CRYBG3: variants seen among roughly 807,000 people sequenced by gnomAD.
CRYBG3 encodes crystallin beta-gamma domain containing 3, also known as very large A-kinase anchor protein.
In CRYBG3, 127 loss-of-function variants were observed where a neutral mutation model predicts 244.2. The ratio of observed to expected loss-of-function variants is 0.52; its 90% CI spans 0.45 to 0.60. The LOEUF (loss-of-function observed/expected upper bound fraction) is 0.60, where lower values mean the gene tolerates loss of function less well. Ranked by LOEUF, CRYBG3 falls within the 20% of genes least tolerant of loss-of-function variation. The pLI is 0.00. For synonymous variants in CRYBG3, 1,132 were observed against 1,195.8 expected, an observed-to-expected ratio of 0.95 and a Z score of 1.10; for missense variants, 3,325 against 3,442.5, an observed-to-expected ratio of 0.97 and a Z score of 0.85.
intron 15 of CRYBG3, among the ~76,000 whole-genome samples, chr3:97,911,282 A>C (rs1022023739): frequency 6.6e-6 from 1 of 152,180 alleles, no homozygotes; most frequent in African/African-American, 2.4e-5. Context: ...CAGGCCTGTC[A>C]GTGCAGGGTG....
At chr3:97,846,489 TC>T (rs1362518131) in intron 2 of CRYBG3, among the ~76,000 whole-genome samples, 1 of 152,232 alleles carries the variant, frequency 6.6e-6, no homozygotes, top group African/African-American at 2.4e-5. Flanking sequence ...GTTCCTTTGA[TC>T]TCAAATTCAG....
intron 17 of CRYBG3, among the ~76,000 whole-genome samples, chr3:97,925,512 A>G (rs1215733471): frequency 6.6e-6 from 1 of 152,132 alleles, no homozygotes; most frequent in Non-Finnish European, 1.5e-5. Context: ...AGTAGTTACA[A>G]TGAATTGGAC....
chr3:97,942,857 AATATTATTC>A (rs1435089716), intron 21 of CRYBG3: 2 of 233,958 alleles, frequency 8.5e-6, no homozygotes, highest in Non-Finnish European at 1.6e-5. Flanking sequence ...GGTCAGGGCC[AATATTATTC>A]ATGGCTGTTG....
Position 97,873,535 on chromosome 3 carries a change from A to T in CRYBG3, c.2341A>T (p.Asn781Tyr). 6.5e-7 allele frequency: 1 copy of T among 1,535,972 alleles called. No homozygotes were observed. Residue 781 changes from asparagine (N) to tyrosine (Y), a missense_variant, in exon 4 of 22, where the codon AAT becomes TAT. Physicochemically the swap from Asn to Tyr is moderately radical, Grantham distance 143. Transcript: ENST00000389622. The stretch of plus-strand genomic sequence containing the variant: ...CAGTTCCATTTTATCTCAAGACCCT[A>T]ATAGAGTAGAGTTAGTGTCTTCAAA... The part of the protein sequence containing the change: ...DCSSILSQDP[N>Y]RVELVSSNTK...
intron 3 of CRYBG3, chr3:97,867,227 G>T (rs933897188): frequency 6.7e-6 from 1 of 148,804 alleles, no homozygotes; most frequent in African/African-American, 2.4e-5. Flanking sequence ...ATTTTTTTTT[G>T]AAAAAATTAT....
chr3:97,872,476 G>T lies in CRYBG3; in HGVS notation c.1282G>T (p.Glu428Ter). The stretch of plus-strand genomic sequence containing the variant: ...ATTGGTGCAAAGAGAGGAGCTTGTT[G>T]AGCCTCAGGGCCCTGCTATTTCTGA... ...RTLVQREELV[E>*]PQGPAISDFS... The change falls in exon 4 of 22, where the codon GAG becomes TAG. Residue 428 changes from glutamate to a stop codon, truncating the protein, a stop_gained. Transcript: ENST00000389622. LOFTEE classifies it high-confidence loss of function. 1 of 1,536,020 alleles carries T rather than the reference G, an allele frequency of 6.5e-7. No individual in the cohort carries two copies. Among genetic ancestry groups the T allele is most frequent in the Non-Finnish European group, 8.7e-7 (1 of 1,146,838 alleles).
At chr3:97,921,665 T>C (rs2039986292) in intron 17 of CRYBG3, among the ~76,000 whole-genome samples, 1 of 152,162 alleles carries the variant, frequency 6.6e-6, no homozygotes, top group Admixed American at 6.6e-5. Context: ...TAGCTATTGA[T>C]GAAATGCTTT....
At chr3:97,922,890 T>C (rs2039997895) in intron 17 of CRYBG3, among the ~76,000 whole-genome samples, 1 of 151,782 alleles carries the variant, frequency 6.6e-6, no homozygotes, top group South Asian at 2.1e-4. Context: ...CATGCACACA[T>C]ATGTTTATTG....
chr3:97,855,292 G>A (rs544066167), intron 2 of CRYBG3, among the ~76,000 whole-genome samples: 1 of 152,142 alleles, frequency 6.6e-6, no homozygotes, highest in African/African-American at 2.4e-5. Context: ...ATGGCCTGTA[G>A]TTTTCTTTTG....
At chr3:97,822,763 C>A (rs180698045) in intron 1 of CRYBG3, among the ~76,000 whole-genome samples, 2 of 152,338 alleles carry the variant, frequency 1.3e-5, no homozygotes, top group Non-Finnish European at 2.9e-5. Flanking sequence ...CCGAGCGGAG[C>A]CGTCGGCCAG....
rs539655714 is a variant in CRYBG3 at position 97,875,522 on chromosome 3, A to G, written c.4328A>G (p.His1443Arg). Residue 1443 changes from histidine to arginine, a missense_variant, in exon 4 of 22, where the codon CAT becomes CGT. Around this residue, in one of 4 missense-constraint regions of CRYBG3, gnomAD observed 635 missense variants for 771.7 expected, o/e 0.82. Coordinates refer to ENST00000389622, the MANE Select transcript of CRYBG3 (RefSeq NM_153605.4). ...HKRLDDRVKT[H>R]LFRSEDCNET... is the part of the protein sequence containing the mutation. The stretch of plus-strand genomic sequence containing the variant: ...CGGTTAGATGATAGGGTAAAAACAC[A>G]TTTATTTCGCAGTGAGGACTGTAAT... 14 of 1,266,994 alleles carry G rather than the reference A, an allele frequency of 1.1e-5. 1 individual carries two copies. The South Asian group carries it at 3.8e-4, about 35-fold the overall frequency. The allele number at this position is 1,266,994 out of a possible 1,614,324, so 78.5% of individuals were successfully genotyped here.
At chr3:97,897,388 G>A (rs7625668) in intron 12 of CRYBG3, among the ~76,000 whole-genome samples, 1 of 151,940 alleles carries the variant, frequency 6.6e-6, no homozygotes, top group Admixed American at 6.6e-5. Context: ...TTAGTAGTAG[G>A]GAGTACTGTA....
At chr3:97,928,299 C>G (rs996820298) in intron 17 of CRYBG3, among the ~76,000 whole-genome samples, 1 of 151,948 alleles carries the variant, frequency 6.6e-6, no homozygotes, top group African/African-American at 2.4e-5. Flanking sequence ...CTTATTAACA[C>G]AAGAACAGAA....
Position 97,939,560 on chromosome 3 carries a change from T to C in CRYBG3, c.8506-1588T>C, listed in dbSNP as rs544986268. ...GAGCAGTCAGACTACAAATGTGTAATAAGGGTAATTAGTACCTTGCCTGAG... is the reference window on the plus strand; with the variant it reads ...GAGCAGTCAGACTACAAATGTGTAACAAGGGTAATTAGTACCTTGCCTGAG... On this transcript the variant is annotated intron_variant, in intron 19 of 21. Transcript: ENST00000389622. Among the ~76,000 whole-genome samples, 4 of 152,206 alleles carry C rather than the reference T, an allele frequency of 2.6e-5. No homozygotes were observed. In the East Asian group the frequency reaches 7.7e-4, roughly 29 times the overall value.
intron 7 of CRYBG3, among the ~76,000 whole-genome samples, chr3:97,885,570 G>A (rs978416052): frequency 1.3e-5 from 2 of 152,094 alleles, no homozygotes; most frequent in Non-Finnish European, 2.9e-5. Context: ...CCCTAAGAAG[G>A]GATAAGGTCT....
intron 2 of CRYBG3, among the ~76,000 whole-genome samples, chr3:97,848,224 G>C (rs896547113): frequency 4.6e-5 from 7 of 152,146 alleles, no homozygotes; most frequent in Non-Finnish European, 7.3e-5. Flanking sequence ...TGTTGTCTTG[G>C]TTAGAGGGAA....
chr3:97,891,052 AG>A (rs2039569979), intron 10 of CRYBG3, among the ~76,000 whole-genome samples: 1 of 152,172 alleles, frequency 6.6e-6, no homozygotes, highest in African/African-American at 2.4e-5. Context: ...TTTAAATTCT[AG>A]AATTTGCATG....
intron 2 of CRYBG3, among the ~76,000 whole-genome samples, chr3:97,860,837 T>C (rs1450408631): frequency 6.6e-6 from 1 of 152,098 alleles, no homozygotes; most frequent in Non-Finnish European, 1.5e-5. Flanking sequence ...TAGGGATCTT[T>C]TGTTGTTTCC....
Position 97,864,631 on chromosome 3 carries a change from A to G in CRYBG3, c.631A>G (p.Thr211Ala), listed in dbSNP as rs1434355187. 1 of 1,510,420 alleles carries G rather than the reference A, an allele frequency of 6.6e-7. No individual in the cohort carries two copies. Among genetic ancestry groups the G allele is most frequent in the South Asian group, 1.3e-5 (1 of 79,138 alleles). 93.6% of individuals were successfully genotyped at this position (1,510,420 alleles called of 1,614,324 possible). The change falls in exon 3 of 22, where the codon ACC becomes GCC. Residue 211 changes from threonine to alanine, a missense_variant. This residue lies in a region of CRYBG3 where 1,526 missense variants were observed against 1,443.2 expected (regional missense o/e 1.06). Transcript: ENST00000389622. Reference sequence around the variant, plus strand: ...TACAACACAAGACAGTGACCAAGAAACCACTAATTTGCTAAAGTAAGTTTA... The same window carrying G: ...TACAACACAAGACAGTGACCAAGAAGCCACTAATTTGCTAAAGTAAGTTTA... ...LDTTQDSDQE[T>A]TNLLKQIDGK...
Sources: allele counts gnomAD v4.1 joint callset (sites outside exome capture counted in the v4.1 genomes callset), GRCh38; gene constraint gnomAD v4.1.1; regional missense constraint gnomAD v4.1.1; transcripts MANE v1.5; gene names NCBI Gene and HGNC (gene_info 2026-07-23, HGNC 2026-07-21).